PEX11G: variants seen among roughly 807,000 people sequenced by gnomAD.
PEX11G encodes peroxisomal biogenesis factor 11 gamma.
Under a neutral mutation model 22.5 loss-of-function variants are expected in PEX11G, and 20 were observed. That is an observed-to-expected ratio of 0.89 (90% CI 0.62 to 1.29). The LOEUF (loss-of-function observed/expected upper bound fraction) is 1.29. PEX11G is among the 50% of genes most tolerant of loss of function. PEX11G has a pLI of 0.00. For synonymous variants in PEX11G, 141 were observed against 154.5 expected (o/e 0.91, Z 0.65); for missense variants, 347 against 331.3 (o/e 1.05, Z -0.37).
In PEX11G at chr19:7,477,217, C is replaced by T. The variant is rs1431495843; in HGVS notation, c.711G>A (p.Glu237=). The stretch of plus-strand genomic sequence containing the variant: ...TCCGGCAGTGTCAGGGGGTAGTGGC[C>T]TCGGCCTGGCCGCCGGCCCGGGCCG... ...YQAARAGGQA[E]ATTP Residue 237 remains glutamate, a synonymous_variant, in exon 5 of 5, where the codon GAG becomes GAA. Transcript: ENST00000221480. The T allele has an allele frequency of 1.3e-6, 2 of 1,514,608 alleles. No homozygotes were observed. Among genetic ancestry groups the T allele is most frequent in the Non-Finnish European group, 1.8e-6 (2 of 1,134,920 alleles). 93.8% of individuals were successfully genotyped at this position (1,514,608 alleles called of 1,614,324 possible).
Position 7,488,962 on chromosome 19 carries a change from G to T in PEX11G, c.49C>A (p.Arg17=), listed in dbSNP as rs776394459. Residue 17 remains arginine, a synonymous_variant, in exon 1 of 5, where the codon CGG becomes AGG. Coordinates refer to ENST00000221480, the MANE Select transcript of PEX11G (RefSeq NM_080662.4). ...LASALESYRG[R]DRLIRVLGYC... ...CGCCCCTGCCTCACCAGGCGGTCCC[G>T]GCCCCTGTACGACTCCAGCGCCGAC... The T allele has an allele frequency of 5.1e-6, 8 of 1,554,954 alleles. 1 individual carries two copies. The Admixed American group carries it at 1.5e-4, about 30-fold the overall frequency.
At chr19:7,489,224 C>T (rs576392506), upstream of PEX11G, 23 of 1,189,448 alleles carry the variant, frequency 1.9e-5, no homozygotes, top group Non-Finnish European at 2.4e-5. Flanking sequence ...CCTGGATCAT[C>T]CTCGGAGTTT....
At chr19:7,493,713 T>C (rs371817813), upstream of PEX11G, among the ~76,000 whole-genome samples, 79 of 152,066 alleles carry the variant, frequency 5.2e-4, 1 homozygote, top group African/African-American at 1.8e-3. Flanking sequence ...CTTTTAAGAC[T>C]TGGGTCCACT....
At position 7,477,146 on chromosome 19, in the gene PEX11G, T is replaced by G. The variant is rs1385582001; in HGVS notation, c.*56A>C. ...GGCCCCTGCCCTGGCGGCTTCTGCT[T>G]TGCGGGAAGGGCCCTCCGTGGGCTC... On this transcript the variant is annotated 3_prime_UTR_variant, in exon 5 of 5. Transcript: ENST00000221480. 3 of 1,378,080 alleles carry G rather than the reference T, an allele frequency of 2.2e-6. No individual in the cohort carries two copies. Among genetic ancestry groups the G allele is most frequent in the Non-Finnish European group, 2.8e-6 (3 of 1,056,616 alleles). 85.4% of individuals were successfully genotyped at this position (1,378,080 alleles called of 1,614,324 possible). A position where few individuals can be genotyped will look rare whatever the true frequency, so the allele number is the denominator to read the frequency against.
intron 2 of PEX11G, among the ~76,000 whole-genome samples, chr19:7,482,542 CCGGGAA>C (rs1977546049): frequency 6.6e-6 from 1 of 152,238 alleles, no homozygotes; most frequent in African/African-American, 2.4e-5. Context: ...GGCCCCAGTA[CCGGGAA>C]TTTTCACAGG....
At chr19:7,490,861 A>G (rs966373465), upstream of PEX11G, 2 of 149,878 alleles carry the variant, frequency 1.3e-5, no homozygotes, top group Non-Finnish European at 3.0e-5. Flanking sequence ...GCAGCCTTGA[A>G]CTCCTGGGAT....
chr19:7,487,819 G>A (rs555868594), intron 1 of PEX11G, among the ~76,000 whole-genome samples: 1 of 152,164 alleles, frequency 6.6e-6, no homozygotes, highest in African/African-American at 2.4e-5. Flanking sequence ...CATTATAATG[G>A]CAAAACACTG....
chr19:7,484,340 T>A (rs1389141090), intron 2 of PEX11G, among the ~76,000 whole-genome samples: 2 of 144,102 alleles, frequency 1.4e-5, no homozygotes, highest in Non-Finnish European at 3.0e-5. Context: ...AGTGACAGAG[T>A]GAGACCCTGT....
upstream of PEX11G, among the ~76,000 whole-genome samples, chr19:7,493,490 C>T (rs1379698953): frequency 6.6e-6 from 1 of 150,978 alleles, no homozygotes; most frequent in Non-Finnish European, 1.5e-5. Context: ...CCACCATGCC[C>T]AGCCTCTTTT....
rs776394459 is a variant in PEX11G, at chr19:7,488,962, G to C, written c.49C>G (p.Arg17Gly). The C allele has an allele frequency of 1.3e-6, 2 of 1,554,954 alleles. No homozygotes were observed. Among genetic ancestry groups the C allele is most frequent in the Non-Finnish European group, 1.7e-6 (2 of 1,151,450 alleles). ...CGCCCCTGCCTCACCAGGCGGTCCC[G>C]GCCCCTGTACGACTCCAGCGCCGAC... ...LASALESYRG[R>G]DRLIRVLGYC... Residue 17 changes from arginine (R) to glycine (G), a missense_variant, in exon 1 of 5, where the codon CGG becomes GGG. Physicochemically the swap from Arg to Gly is moderately radical, Grantham distance 125. Coordinates refer to ENST00000221480, the MANE Select transcript of PEX11G (RefSeq NM_080662.4).
chr19:7,484,473 A>C (rs1291798578), intron 2 of PEX11G, among the ~76,000 whole-genome samples: 1 of 151,998 alleles, frequency 6.6e-6, no homozygotes, highest in Non-Finnish European at 1.5e-5. Flanking sequence ...CAAAGGAGAC[A>C]CAAGAAGCTG....
Position 7,477,242 on chromosome 19 carries a change from G to A in PEX11G, c.686C>T (p.Ala229Val), listed in dbSNP as rs376621423. The A allele has an allele frequency of 3.5e-4, 546 of 1,558,832 alleles. 1 individual carries two copies. The highest frequency in any genetic ancestry group is 4.1e-4 in the Non-Finnish European group (475 of 1,156,554). Residue 229 changes from alanine (A) to valine (V), a missense_variant, in exon 5 of 5, where the codon GCG becomes GTG. Coordinates refer to ENST00000221480, the MANE Select transcript of PEX11G (RefSeq NM_080662.4). ...CTCGGCCTGGCCGCCGGCCCGGGCC[G>A]CCTGGTACATGCTGAGGATTGAGGA... Reference protein sequence around the residue: ...TISSILSMYQAARAGGQAEAT... With the variant: ...TISSILSMYQVARAGGQAEAT...
chr19:7,493,815 G>A (rs2021930447), upstream of PEX11G, among the ~76,000 whole-genome samples: 1 of 149,676 alleles, frequency 6.7e-6, no homozygotes, highest in Non-Finnish European at 1.5e-5. Context: ...AGACCAGCCT[G>A]GCCAATATGG....
intron 2 of PEX11G, among the ~76,000 whole-genome samples, chr19:7,482,487 G>A (rs1226779055): frequency 3.3e-5 from 5 of 152,182 alleles, no homozygotes; most frequent in Admixed American, 2.6e-4. Context: ...AAAACCCCAT[G>A]CCCAATGCCA....
At chr19:7,478,789 C>T (rs1977356200) in intron 3 of PEX11G, among the ~76,000 whole-genome samples, 1 of 152,244 alleles carries the variant, frequency 6.6e-6, no homozygotes, top group Non-Finnish European at 1.5e-5. Context: ...CTTGTCTGCT[C>T]TGTGTGGAAA....
Position 7,485,996 on chromosome 19 carries a change from C to T in PEX11G, c.91G>A (p.Val31Ile), listed in dbSNP as rs748321758. ...IRVLGYCCQL[V>I]GGVLVEQCPA... The stretch of plus-strand genomic sequence containing the variant: ...CACTGTTCAACCAGAACTCCACCAA[C>T]CAGCTGGCAGCAGTACCCCAGCACT... Residue 31 changes from valine (V) to isoleucine (I), a missense_variant, in exon 2 of 5, where the codon GTT (valine) becomes ATT (isoleucine). Transcript: ENST00000221480. 25 of 1,599,996 alleles carry T rather than the reference C, an allele frequency of 1.6e-5. No individual in the cohort carries two copies. The highest frequency in any genetic ancestry group is 1.7e-6 in the Non-Finnish European group (2 of 1,169,420).
intron 2 of PEX11G, 104 bp from the exon 3 acceptor site, chr19:7,482,315 C>T: frequency 7.5e-7 from 1 of 1,325,568 alleles, no homozygotes; most frequent in Non-Finnish European, 1.0e-6. Flanking sequence ...TGACCCCAGT[C>T]CCTGGGCCGT....
chr19:7,479,863 G>A lies in PEX11G; in HGVS notation c.429-1487C>T, dbSNP rs371978012. Among the ~76,000 whole-genome samples, 69 of 152,322 alleles carry A rather than the reference G, an allele frequency of 4.5e-4. 1 individual carries two copies. Among genetic ancestry groups the A allele is most frequent in the African/African-American group, 1.6e-3 (67 of 41,578 alleles). ...TGGAGGGGCATCAGTTGTAACAAAT[G>A]CACCATGTGGATGCTGCCAGTAGTC... On this transcript the variant is annotated intron_variant, in intron 3 of 4. Transcript: ENST00000221480.
intron 2 of PEX11G, among the ~76,000 whole-genome samples, chr19:7,485,417 G>A (rs534974299): frequency 1.1e-3 from 165 of 150,884 alleles, no homozygotes; most frequent in African/African-American, 3.8e-3. Flanking sequence ...GTGCAGTGGC[G>A]CGATCTCGGC....
Sources: gnomAD v4.1 joint callset for allele counts (sites outside exome capture counted in the v4.1 genomes callset) on GRCh38, gnomAD v4.1.1 for gene constraint, MANE v1.5 for transcripts, NCBI Gene and HGNC (gene_info 2026-07-23, HGNC 2026-07-21) for gene names.